Variants in NDUFAF2 observed in about 807,000 individuals in gnomAD.
NDUFAF2 encodes NADH dehydrogenase [ubiquinone] 1 alpha subcomplex assembly factor 2.
NDUFAF2 carries 13 observed loss-of-function variants against 22.8 expected under a neutral mutation model. The observed-to-expected ratio is 0.57, with a 90% confidence interval of 0.37 to 0.91. NDUFAF2 has a LOEUF of 0.91. NDUFAF2 is among the 40% of genes least tolerant of loss of function. NDUFAF2 has a pLI of 0.01. For synonymous variants in NDUFAF2, 53 were observed against 64.2 expected, an observed-to-expected ratio of 0.83 and a Z score of 0.84; for missense variants, 162 against 195.2, an observed-to-expected ratio of 0.83 and a Z score of 1.01.
intron 1 of NDUFAF2, among the ~76,000 whole-genome samples, chr5:60,963,261 G>A (rs1275735242): frequency 6.6e-6 from 1 of 152,166 alleles, no homozygotes; most frequent in Non-Finnish European, 1.5e-5. Context: ...AAGTTACATA[G>A]TGAAGATTTT....
chr5:60,950,687 T>A (rs1750533318), intron 1 of NDUFAF2, among the ~76,000 whole-genome samples: 1 of 151,816 alleles, frequency 6.6e-6, no homozygotes, highest in African/African-American at 2.4e-5. Context: ...TGTGGTGAAT[T>A]TATACTGATT....
intron 1 of NDUFAF2, among the ~76,000 whole-genome samples, chr5:60,990,193 A>C (rs576411292): frequency 6.6e-6 from 1 of 152,286 alleles, no homozygotes; most frequent in South Asian, 2.1e-4. Context: ...ATGGTTGCAA[A>C]AATATACAGA....
chr5:61,045,629 T>C (rs974248595), intron 1 of NDUFAF2, among the ~76,000 whole-genome samples: 2 of 152,094 alleles, frequency 1.3e-5, no homozygotes, highest in Non-Finnish European at 2.9e-5. Flanking sequence ...ATGAACTACC[T>C]TACTTGGCTG....
intron 1 of NDUFAF2, among the ~76,000 whole-genome samples, chr5:60,999,345 A>C (rs1304600786): frequency 6.6e-6 from 1 of 152,148 alleles, no homozygotes; most frequent in Non-Finnish European, 1.5e-5. Flanking sequence ...ATGAGTAAAC[A>C]AAATATGGTA....
intron 1 of NDUFAF2, among the ~76,000 whole-genome samples, chr5:61,040,251 GACACACACAC>G (rs55910021): frequency 2.0e-4 from 26 of 131,978 alleles, no homozygotes; most frequent in East Asian, 4.9e-4. Context: ...AAGAGGAAAG[GACACACACAC>G]ACACACACAC....
intron 3 of NDUFAF2, among the ~76,000 whole-genome samples, chr5:61,131,179 G>A (rs755128289): frequency 6.6e-6 from 1 of 151,496 alleles, no homozygotes; most frequent in Non-Finnish European, 1.5e-5. Context: ...ACAGGTGTAA[G>A]TTGATGTTAA....
intron 3 of NDUFAF2, among the ~76,000 whole-genome samples, chr5:61,145,086 C>A (rs994894860): frequency 4.6e-5 from 7 of 152,166 alleles, no homozygotes; most frequent in African/African-American, 1.7e-4. Context: ...TAGTAGATTC[C>A]ATATTTAAGC....
At chr5:61,019,975 C>T (rs1751557886) in intron 1 of NDUFAF2, among the ~76,000 whole-genome samples, 1 of 152,126 alleles carries the variant, frequency 6.6e-6, no homozygotes, top group Non-Finnish European at 1.5e-5. Flanking sequence ...TTTTTGACTA[C>T]AAATTCAATG....
intron 3 of NDUFAF2, among the ~76,000 whole-genome samples, chr5:61,132,293 A>G (rs1439387543): frequency 1.3e-5 from 2 of 152,180 alleles, no homozygotes; most frequent in African/African-American, 2.4e-5. Context: ...GTGTACATGA[A>G]TAAGTGAAAG....
chr5:61,031,223 T>TCA (rs1751721976), intron 1 of NDUFAF2, among the ~76,000 whole-genome samples: 1 of 152,130 alleles, frequency 6.6e-6, no homozygotes, highest in Non-Finnish European at 1.5e-5. Flanking sequence ...GTTGCAGGTT[T>TCA]GTTACATAGG....
At chr5:61,042,804 A>G (rs1243718980) in intron 1 of NDUFAF2, among the ~76,000 whole-genome samples, 6 of 152,230 alleles carry the variant, frequency 3.9e-5, no homozygotes, top group Non-Finnish European at 8.8e-5. Flanking sequence ...GAGCTATCAA[A>G]CCATACAAAA....
intron 2 of NDUFAF2, among the ~76,000 whole-genome samples, chr5:61,080,955 T>C: frequency 6.6e-6 from 1 of 152,194 alleles, no homozygotes; most frequent in Non-Finnish European, 1.5e-5. Flanking sequence ...GAATATTTTG[T>C]CCTGTGATTT....
chr5:60,983,280 A>T (rs13180338), intron 1 of NDUFAF2, among the ~76,000 whole-genome samples: 23,696 of 34,838 alleles, frequency 0.68, 8,974 homozygotes, highest in East Asian at 0.82. Flanking sequence ...GTTTGAGTTC[A>T]TTGTAGATTG....
intron 3 of NDUFAF2, chr5:61,114,968 G>C (rs913281834): frequency 1.3e-5 from 2 of 152,500 alleles, no homozygotes; most frequent in Non-Finnish European, 2.9e-5. Flanking sequence ...AGGTGATGAA[G>C]CCGGGCAGGC....
intron 1 of NDUFAF2, among the ~76,000 whole-genome samples, chr5:61,045,415 T>C (rs1040567915): frequency 1.3e-5 from 2 of 151,308 alleles, no homozygotes; most frequent in Non-Finnish European, 3.0e-5. Context: ...GCTGCCTTGA[T>C]TAAATTTATT....
At chr5:60,982,723 A>G (rs921504080) in intron 1 of NDUFAF2, among the ~76,000 whole-genome samples, 7 of 152,040 alleles carry the variant, frequency 4.6e-5, no homozygotes, top group Non-Finnish European at 7.4e-5. Context: ...TACAAAGGAC[A>G]TGAACTCATC....
At chr5:61,095,051 C>T (rs542471185) in intron 2 of NDUFAF2, among the ~76,000 whole-genome samples, 71 of 152,222 alleles carry the variant, frequency 4.7e-4, no homozygotes, top group South Asian at 1.2e-3. Flanking sequence ...CTCCAAAGCC[C>T]GGAGCCTGGA....
chr5:61,054,133 C>T (rs926393372), intron 1 of NDUFAF2, among the ~76,000 whole-genome samples: 1 of 151,894 alleles, frequency 6.6e-6, no homozygotes, highest in African/African-American at 2.4e-5. Context: ...CCCAGGAGTT[C>T]AAGGCTGTAG....
At chr5:60,989,851 T>A (rs141048224) in intron 1 of NDUFAF2, among the ~76,000 whole-genome samples, 1 of 152,262 alleles carries the variant, frequency 6.6e-6, no homozygotes, top group Non-Finnish European at 1.5e-5. Flanking sequence ...CCCCATGAGC[T>A]GAGTTTACCT....
Sources: gnomAD v4.1 joint callset for allele counts (sites outside exome capture counted in the v4.1 genomes callset) on GRCh38, gnomAD v4.1.1 for gene constraint, MANE v1.5 for transcripts, NCBI Gene and HGNC (gene_info 2026-07-23, HGNC 2026-07-21) for gene names.